Variants in STPG2 observed in about 807,000 individuals in gnomAD.
STPG2 encodes sperm tail PG-rich repeat containing 2, also known as sperm-tail PG-rich repeat-containing protein 2.
STPG2 carries 56 observed loss-of-function variants against 54.2 expected under a neutral mutation model. The observed-to-expected ratio is 1.03, with a 90% CI of 0.83 to 1.29. The LOEUF (loss-of-function observed/expected upper bound fraction) is 1.29. Among genes scored for constraint, STPG2 ranks in the 50% most tolerant of loss-of-function variants. STPG2 has a pLI of 0.00. For synonymous variants in STPG2, 200 were observed against 181.8 expected (o/e 1.10, Z -0.81); for missense variants, 596 against 544.9 (o/e 1.09, Z -0.93).
intron 10 of STPG2, among the ~76,000 whole-genome samples, chr4:97,703,460 C>CTA (rs1307917732): frequency 7.2e-6 from 1 of 139,404 alleles, no homozygotes; most frequent in Admixed American, 7.7e-5. Context: ...TATACACACA[C>CTA]TATATATATA....
intron 5 of STPG2, among the ~76,000 whole-genome samples, chr4:98,012,769 A>G (rs1735799261): frequency 6.6e-6 from 1 of 152,244 alleles, no homozygotes; most frequent in Admixed American, 6.5e-5. Flanking sequence ...GTTGGTGTAT[A>G]GAAATGCTTG....
intron 10 of STPG2, among the ~76,000 whole-genome samples, chr4:97,632,700 A>T (rs1721331137): frequency 6.6e-6 from 1 of 152,280 alleles, no homozygotes; most frequent in East Asian, 1.9e-4. Flanking sequence ...GAATGACAAT[A>T]TGAGACTGCA....
At chr4:97,869,218 TTAGAA>T (rs1270833339) in intron 8 of STPG2, among the ~76,000 whole-genome samples, 4 of 151,730 alleles carry the variant, frequency 2.6e-5, no homozygotes, top group Non-Finnish European at 3.0e-5. Flanking sequence ...AAGTAGTAAA[TTAGAA>T]TAGAATAATC....
rs927588310 is a variant in STPG2 at position 97,908,449 on chromosome 4, C to T, written c.1044+35448G>A. Among the ~76,000 whole-genome samples the T allele has an allele frequency of 6.7e-5, 10 of 150,016 alleles. No homozygotes were observed. In the East Asian group the frequency reaches 1.8e-3, roughly 27 times the overall value. On this transcript the variant is annotated intron_variant, in intron 8 of 10. Coordinates refer to ENST00000295268, the MANE Select transcript of STPG2 (RefSeq NM_174952.3). Reference sequence around the variant, plus strand: ...AAACTAGTTCAACCATTGTGGAAGTCAGTGTGGCGATTCCTCAGGGATCTA... The same window carrying T: ...AAACTAGTTCAACCATTGTGGAAGTTAGTGTGGCGATTCCTCAGGGATCTA...
chr4:98,020,100 T>C (rs933494815), intron 5 of STPG2, among the ~76,000 whole-genome samples: 1 of 125,814 alleles, frequency 7.9e-6, no homozygotes, highest in Non-Finnish European at 1.7e-5. Flanking sequence ...TGTGCCAGTT[T>C]TCAAAGGGAA....
chr4:97,954,212 C>T (rs1417907553), intron 7 of STPG2, among the ~76,000 whole-genome samples: 1 of 152,138 alleles, frequency 6.6e-6, no homozygotes, highest in Admixed American at 6.5e-5. Flanking sequence ...CAAAATGTAA[C>T]AAGATCCTAT....
intron 9 of STPG2, among the ~76,000 whole-genome samples, chr4:97,739,640 T>A (rs1449514101): frequency 6.6e-6 from 1 of 152,116 alleles, no homozygotes; most frequent in Non-Finnish European, 1.5e-5. Flanking sequence ...CCTCGACACA[T>A]ACACCCTCCC....
intron 9 of STPG2, among the ~76,000 whole-genome samples, chr4:97,730,491 T>A (rs1486646144): frequency 6.6e-6 from 1 of 152,188 alleles, no homozygotes; most frequent in Admixed American, 6.5e-5. Context: ...TTTGGTGGAA[T>A]GATTTGTTTT....
At chr4:98,111,967 T>C (rs1455207831) in intron 3 of STPG2, among the ~76,000 whole-genome samples, 1 of 152,064 alleles carries the variant, frequency 6.6e-6, no homozygotes. Flanking sequence ...CTTTTATCCT[T>C]GGACTAAGAG....
At chr4:98,060,274 C>T (rs1737602726) in intron 5 of STPG2, among the ~76,000 whole-genome samples, 1 of 152,044 alleles carries the variant, frequency 6.6e-6, no homozygotes, top group Non-Finnish European at 1.5e-5. Context: ...TACACAACAA[C>T]AGCCAAACCA....
At chr4:97,978,901 G>C (rs930308313) in intron 6 of STPG2, among the ~76,000 whole-genome samples, 1 of 152,044 alleles carries the variant, frequency 6.6e-6, no homozygotes, top group African/African-American at 2.4e-5. Flanking sequence ...TTCTCAAAAA[G>C]GGGCCTTAAG....
chr4:97,453,962 T>C (rs894824191), intron 4 of STPG2, among the ~76,000 whole-genome samples: 16 of 152,086 alleles, frequency 1.1e-4, no homozygotes, highest in African/African-American at 3.9e-4. Flanking sequence ...AATGAAACTC[T>C]TCCTAAGTTA....
At chr4:97,587,351 A>G (rs941228702) in intron 10 of STPG2, among the ~76,000 whole-genome samples, 8 of 152,032 alleles carry the variant, frequency 5.3e-5, no homozygotes, top group African/African-American at 1.9e-4. Flanking sequence ...ACTTTGGACC[A>G]ACAGGTTTCT....
chr4:98,015,520 G>C (rs1364090151), intron 5 of STPG2, among the ~76,000 whole-genome samples: 2 of 152,188 alleles, frequency 1.3e-5, no homozygotes, highest in African/African-American at 4.8e-5. Context: ...ACCATCTCAT[G>C]CCAGTTGGAA....
intron 4 of STPG2, among the ~76,000 whole-genome samples, chr4:97,448,032 T>G (rs1729270137): frequency 6.6e-6 from 1 of 152,072 alleles, no homozygotes; most frequent in East Asian, 1.9e-4. Context: ...AGACATGGAG[T>G]CAAAGGAGAT....
At chr4:97,954,531 A>T (rs1200886689) in intron 7 of STPG2, among the ~76,000 whole-genome samples, 1 of 152,194 alleles carries the variant, frequency 6.6e-6, no homozygotes, top group African/African-American at 2.4e-5. Flanking sequence ...AAGCCAAAAA[A>T]CTGAAATACA....
chr4:97,778,698 C>A lies in STPG2; in HGVS notation c.1204+62075G>T, dbSNP rs146744715. Among the ~76,000 whole-genome samples, 980 of 152,296 alleles carry A rather than the reference C, an allele frequency of 6.4e-3. 12 individuals carry two copies. Among genetic ancestry groups the A allele is most frequent in the African/African-American group, 0.023 (952 of 41,542 alleles). ...GGCACCCCCAGTAGGCGCAGACTGA[C>A]ACCTCACACGGCTGGGTACTACTCT... is the stretch of plus-strand genomic sequence containing the variant. On this transcript the variant is annotated intron_variant, in intron 9 of 10. Coordinates refer to ENST00000295268, the MANE Select transcript of STPG2 (RefSeq NM_174952.3).
chr4:97,798,530 G>T (rs1727279779), intron 9 of STPG2, among the ~76,000 whole-genome samples: 1 of 151,888 alleles, frequency 6.6e-6, no homozygotes, highest in African/African-American at 2.4e-5. Flanking sequence ...TAGTTTGATT[G>T]CACTGTGGTC....
intron 9 of STPG2, among the ~76,000 whole-genome samples, chr4:97,773,875 C>T (rs1726291885): frequency 6.6e-6 from 1 of 151,978 alleles, no homozygotes; most frequent in African/African-American, 2.4e-5. Flanking sequence ...GAAAGCTTGG[C>T]ATGACGATAC....
Sources: gnomAD v4.1 joint callset for allele counts (sites outside exome capture counted in the v4.1 genomes callset) on GRCh38, gnomAD v4.1.1 for gene constraint, MANE v1.5 for transcripts, NCBI Gene and HGNC (gene_info 2026-07-23, HGNC 2026-07-21) for gene names.